Variants in GABRA3 observed in about 807,000 individuals in gnomAD.
The protein encoded by GABRA3 is gamma-aminobutyric acid receptor subunit alpha-3.
GABRA3 carries 10 observed loss-of-function variants against 30.1 expected under a neutral mutation model. The ratio of observed to expected loss-of-function variants is 0.33; its 90% CI spans 0.20 to 0.56. The LOEUF (loss-of-function observed/expected upper bound fraction) is 0.56. Among genes scored for constraint, GABRA3 ranks in the 20% least tolerant of loss-of-function variants. GABRA3 has a pLI of 0.89. For synonymous variants in GABRA3, 151 were observed against 146.8 expected, an observed-to-expected ratio of 1.03 and a Z score of -0.21; for missense variants, 233 against 392.0, an observed-to-expected ratio of 0.59 and a Z score of 3.42.
intron 1 of GABRA3, among the ~76,000 whole-genome samples, chrX:152,415,555 T>C (rs1293342236): frequency 9.0e-6 from 1 of 110,771 alleles, no homozygotes; most frequent in Non-Finnish European, 1.9e-5. Flanking sequence ...ATTACATAAA[T>C]CTATACATGG....
At chrX:152,362,092 C>T (rs897260514) in intron 2 of GABRA3, among the ~76,000 whole-genome samples, 2 of 110,780 alleles carry the variant, frequency 1.8e-5, no homozygotes, top group African/African-American at 6.6e-5. Context: ...TAAGGATATA[C>T]AAGCCCAGTT....
Position 152,431,761 on chromosome X carries a change from C to T in GABRA3, c.-27+19385G>A, listed in dbSNP as rs759456006. Among the ~76,000 whole-genome samples, 6 of 111,209 alleles carry T rather than the reference C, an allele frequency of 5.4e-5. No homozygotes were observed. In the Admixed American group the frequency reaches 5.8e-4, roughly 11 times the overall value. ...CAGAAAAGTCAGTGTCAGAGTGATA[C>T]GATGTGAAAACGACTTGCCTGGTCA... On this transcript the variant is annotated intron_variant, in intron 1 of 9. Coordinates refer to ENST00000370314, the MANE Select transcript of GABRA3 (RefSeq NM_000808.4).
At position 152,166,959 on chromosome X, in the gene GABRA3, C is replaced by T. The variant is rs1005237373; in HGVS notation, c.*1269G>A. 2 of 110,432 alleles carry T rather than the reference C, an allele frequency of 1.8e-5. No individual in the cohort carries two copies. The highest frequency in any genetic ancestry group is 9.6e-5 in the Admixed American group (1 of 10,388). The allele number at this position is 110,432 out of a possible 1,213,427, so 9.1% of individuals were successfully genotyped here. On this transcript the variant is annotated 3_prime_UTR_variant, in exon 10 of 10. Coordinates refer to ENST00000370314, the MANE Select transcript of GABRA3 (RefSeq NM_000808.4). The stretch of plus-strand genomic sequence containing the variant: ...CAGTTTATCTACCTTATAAAAATTG[C>T]GTATTTATGCCTGTGTCTTTTACTC...
At chrX:152,179,869 T>C (rs1937122830) in intron 9 of GABRA3, among the ~76,000 whole-genome samples, 1 of 111,748 alleles carries the variant, frequency 8.9e-6, no homozygotes, top group Non-Finnish European at 1.9e-5. Context: ...TTCAGGTTCA[T>C]CCGTGCTTAT....
At chrX:152,424,339 CCACA>C (rs1930460108) in intron 1 of GABRA3, among the ~76,000 whole-genome samples, 10 of 110,042 alleles carry the variant, frequency 9.1e-5, no homozygotes, top group Admixed American at 8.8e-4. Flanking sequence ...ACATTGTTCA[CCACA>C]ACACTAGTTC....
At chrX:152,303,890 A>C (rs962002824) in intron 3 of GABRA3, among the ~76,000 whole-genome samples, 15 of 111,429 alleles carry the variant, frequency 1.3e-4, no homozygotes, top group Middle Eastern at 9.3e-3. Flanking sequence ...TGACGGGTTG[A>C]TAAGTGCAGC....
intron 1 of GABRA3, among the ~76,000 whole-genome samples, chrX:152,398,672 G>A (rs772069256): frequency 4.7e-4 from 53 of 112,073 alleles, no homozygotes; most frequent in Non-Finnish European, 8.6e-4. Context: ...TTTCTACTTA[G>A]ACAAACATTA....
chrX:152,361,271 A>AC (rs1324281550), intron 2 of GABRA3, among the ~76,000 whole-genome samples: 1 of 109,645 alleles, frequency 9.1e-6, no homozygotes, highest in African/African-American at 3.3e-5. Context: ...ATGCTAACAA[A>AC]CCATTGTAAA....
rs1226284330 is a variant in GABRA3, at chrX:152,167,677, C to T, written c.*551G>A. The T allele has an allele frequency of 1.8e-5, 2 of 114,181 alleles. No homozygotes were observed. Among genetic ancestry groups the T allele is most frequent in the African/African-American group, 6.5e-5 (2 of 30,904 alleles). 9.4% of individuals were successfully genotyped at this position (114,181 alleles called of 1,213,427 possible). ...TAGTACCAATTGTCCCCACTAATTT[C>T]CAAACCAATAAATGGGTTGGGGGTG... is the stretch of plus-strand genomic sequence containing the variant. On this transcript the variant is annotated 3_prime_UTR_variant, in exon 10 of 10. Transcript: ENST00000370314.
intron 1 of GABRA3, among the ~76,000 whole-genome samples, chrX:152,417,928 T>C (rs1398871769): frequency 1.0e-5 from 1 of 96,988 alleles, no homozygotes; most frequent in Non-Finnish European, 2.1e-5. Context: ...TAATGCTAGA[T>C]GACGAGTTAG....
intron 1 of GABRA3, among the ~76,000 whole-genome samples, chrX:152,448,318 A>T (rs1174458387): frequency 8.9e-6 from 1 of 112,352 alleles, no homozygotes; most frequent in Non-Finnish European, 1.9e-5. Context: ...ATTTTTACAC[A>T]TTAAAGTTTG....
intron 5 of GABRA3, among the ~76,000 whole-genome samples, chrX:152,254,047 T>C (rs1297111372): frequency 8.9e-6 from 1 of 111,890 alleles, no homozygotes; most frequent in East Asian, 2.8e-4. Flanking sequence ...CCTATTAGTC[T>C]TTCTCCCCTA....
intron 4 of GABRA3, 118 bp downstream of exon 4, chrX:152,284,550 C>T: frequency 2.2e-6 from 1 of 458,840 alleles, no homozygotes; most frequent in Non-Finnish European, 3.7e-6. Context: ...GTAGGAAATT[C>T]ATATGAGAAA....
chrX:152,227,276 G>A (rs761210121), intron 5 of GABRA3, among the ~76,000 whole-genome samples: 4 of 102,321 alleles, frequency 3.9e-5, no homozygotes, highest in South Asian at 4.7e-4. Context: ...GTAAACTATC[G>A]CAAGGACAAA....
intron 3 of GABRA3, among the ~76,000 whole-genome samples, chrX:152,330,225 A>G (rs1335066944): frequency 8.9e-6 from 1 of 112,057 alleles, no homozygotes; most frequent in Non-Finnish European, 1.9e-5. Flanking sequence ...ATGTGGAGAA[A>G]TAGGAACACT....
chrX:152,323,933 C>G (rs1418173339), intron 3 of GABRA3, among the ~76,000 whole-genome samples: 2 of 112,175 alleles, frequency 1.8e-5, no homozygotes, highest in Non-Finnish European at 3.8e-5. Context: ...AGCCCTTTGT[C>G]TCATTGAGCT....
chrX:152,181,927 T>C (rs1320484413), intron 9 of GABRA3, among the ~76,000 whole-genome samples: 1 of 111,431 alleles, frequency 9.0e-6, no homozygotes, highest in Admixed American at 9.6e-5. Flanking sequence ...TGAATTGCTC[T>C]GGATAGGTCT....
chrX:152,276,429 T>C (rs943770002), intron 4 of GABRA3, among the ~76,000 whole-genome samples: 2 of 112,080 alleles, frequency 1.8e-5, no homozygotes, highest in African/African-American at 3.2e-5. Context: ...TATACATTGA[T>C]ATGATTCATC....
chrX:152,278,717 C>A (rs1223576682), intron 4 of GABRA3, among the ~76,000 whole-genome samples: 2 of 111,797 alleles, frequency 1.8e-5, no homozygotes, highest in East Asian at 5.6e-4. Context: ...CTAGTTTACA[C>A]TCTCACCAAC....
Sources: allele counts gnomAD v4.1 joint callset (sites outside exome capture counted in the v4.1 genomes callset), GRCh38; gene constraint gnomAD v4.1.1; transcripts MANE v1.5; gene names NCBI Gene and HGNC (gene_info 2026-07-23, HGNC 2026-07-21).